RGS12: variants seen among roughly 807,000 people sequenced by gnomAD.
RGS12 encodes regulator of G protein signaling 12, also known as regulator of G-protein signaling 12.
A neutral mutation model predicts 120.1 loss-of-function variants in RGS12; 66 were observed. The observed-to-expected ratio is 0.55, with a 90% CI of 0.45 to 0.67. The LOEUF (loss-of-function observed/expected upper bound fraction) is 0.67, where lower values mean the gene tolerates loss of function less well. Among genes scored for constraint, RGS12 ranks in the 30% least tolerant of loss-of-function variants. RGS12 has a pLI of 0.00. For missense variants in RGS12, 1,859 were observed against 1,957.7 expected, an observed-to-expected ratio of 0.95 and a Z score of 0.95; for synonymous variants, 827 against 804.7, an observed-to-expected ratio of 1.03 and a Z score of -0.47.
Position 3,414,196 on chromosome 4 carries a change from CT to C in RGS12, c.2148del (p.Phe716LeufsTer18). The stretch of plus-strand genomic sequence containing the variant: ...GGAGGGTCGCCAGCTGGGCCGTGTC[CT>C]TTGAGCGCCTGCTGCAGGACCCCGT... ...ERRVASWAVS[F>X]ERLLQDPVGV... On this transcript the variant is annotated frameshift_variant, in exon 5 of 18. Coordinates refer to ENST00000336727, the MANE Select transcript of RGS12 (RefSeq NM_001394154.1). LOFTEE classifies it high-confidence loss of function. 6.5e-7 allele frequency: 1 copy of C among 1,550,066 alleles called. No homozygotes were observed.
chr4:3,324,424 C>T, intron 2 of RGS12: 1 of 240,730 alleles, frequency 4.2e-6, no homozygotes, highest in Non-Finnish European at 8.3e-6. Flanking sequence ...TCTTTTAGTC[C>T]AGGCCAACAG....
intron 3 of RGS12, among the ~76,000 whole-genome samples, chr4:3,367,610 A>T (rs1436027796): frequency 6.6e-6 from 1 of 152,232 alleles, no homozygotes; most frequent in Admixed American, 6.5e-5. Flanking sequence ...ACCTCTGACC[A>T]TGTGGCAGGG....
intron 3 of RGS12, among the ~76,000 whole-genome samples, chr4:3,382,299 C>G (rs1229576979): frequency 6.6e-6 from 1 of 152,140 alleles, no homozygotes; most frequent in Non-Finnish European, 1.5e-5. Flanking sequence ...GCAAGGTGCC[C>G]TCTCCTTCCC....
intron 3 of RGS12, among the ~76,000 whole-genome samples, chr4:3,355,801 A>T (rs1320199673): frequency 2.0e-5 from 3 of 150,674 alleles, no homozygotes; most frequent in Non-Finnish European, 4.4e-5. Flanking sequence ...TCTCAAAAAA[A>T]AAAAAAAAAA....
At chr4:3,430,040 G>A (rs960443403) in intron 16 of RGS12, among the ~76,000 whole-genome samples, 4 of 152,230 alleles carry the variant, frequency 2.6e-5, no homozygotes, top group African/African-American at 4.8e-5. Flanking sequence ...CCAGTCCTCA[G>A]AGGGCCCCAA....
intron 4 of RGS12, among the ~76,000 whole-genome samples, chr4:3,391,515 C>T (rs1181869013): frequency 6.6e-6 from 1 of 152,312 alleles, no homozygotes; most frequent in Non-Finnish European, 1.5e-5. Flanking sequence ...CACAGAAGCC[C>T]TTGGTGCCCC....
intron 3 of RGS12, chr4:3,370,033 G>T: frequency 7.9e-7 from 1 of 1,258,544 alleles, no homozygotes; most frequent in African/African-American, 1.5e-5. Flanking sequence ...GTTTAAAAAT[G>T]ATCTCACAGC....
chr4:3,289,066 C>G (rs1022841339), upstream of RGS12, among the ~76,000 whole-genome samples: 10 of 152,326 alleles, frequency 6.6e-5, no homozygotes, highest in African/African-American at 2.4e-4. Context: ...GGTCCCACCT[C>G]CCCCTATCAG....
chr4:3,430,734 C>T lies in RGS12; in HGVS notation c.3893C>T (p.Pro1298Leu), dbSNP rs750238353. ...CCCGGGCAGAAGTCTCCCAGCGGGC[C>T]CTTCTGCACTCCCCAGTCCCCCGTC... is the stretch of plus-strand genomic sequence containing the variant. ...TPPGQKSPSG[P>L]FCTPQSPVSL... Residue 1298 changes from proline (P) to leucine (L), a missense_variant, in exon 17 of 18, where the codon CCC becomes CTC. Pro to Leu is a moderately conservative substitution (Grantham distance 98). Coordinates refer to ENST00000336727, the MANE Select transcript of RGS12 (RefSeq NM_001394154.1). 2 of 1,599,348 alleles carry T rather than the reference C, an allele frequency of 1.3e-6. No homozygotes were observed. Among genetic ancestry groups the T allele is most frequent in the Non-Finnish European group, 1.7e-6 (2 of 1,172,202 alleles).
At chr4:3,323,445 T>C (rs1374672145) in intron 2 of RGS12, among the ~76,000 whole-genome samples, 2 of 152,244 alleles carry the variant, frequency 1.3e-5, no homozygotes, top group Admixed American at 1.3e-4. Flanking sequence ...TTACTCTGTT[T>C]GCACAGGCTC....
chr4:3,340,211 G>A (rs1176204635), intron 2 of RGS12, among the ~76,000 whole-genome samples: 2 of 152,154 alleles, frequency 1.3e-5, no homozygotes, highest in African/African-American at 2.4e-5. Context: ...TGCCGGGGCC[G>A]CACACCTGCC....
intron 3 of RGS12, among the ~76,000 whole-genome samples, chr4:3,355,039 A>G (rs116563537): frequency 0.032 from 4,897 of 152,314 alleles, 242 homozygotes; most frequent in African/African-American, 0.11. Flanking sequence ...ATAAACATAG[A>G]TGTGAGAATC....
At chr4:3,415,382 G>A (rs180752473) in intron 6 of RGS12, among the ~76,000 whole-genome samples, 79 of 152,212 alleles carry the variant, frequency 5.2e-4, no homozygotes, top group South Asian at 6.2e-4. Flanking sequence ...TTTGTATAAC[G>A]CCCTCAGCCA....
intron 1 of RGS12, among the ~76,000 whole-genome samples, chr4:3,301,245 G>A (rs1417963982): frequency 8.5e-5 from 13 of 152,228 alleles, no homozygotes; most frequent in Admixed American, 8.5e-4. Flanking sequence ...CTGTGGGCAG[G>A]ACAGGTGCAC....
chr4:3,414,356 C>A, intron 5 of RGS12, 115 bp downstream of exon 5: 3 of 1,220,124 alleles, frequency 2.5e-6, no homozygotes, highest in Non-Finnish European at 3.3e-6. Flanking sequence ...TGAGCAGCCC[C>A]GTGGCAGGGG....
chr4:3,433,924 T>G lies in RGS12; in HGVS notation c.4114+2969T>G, dbSNP rs1184747529. The stretch of plus-strand genomic sequence containing the variant: ...GCCAGGCCACCCAGTCTAATGGCCC[T>G]GAGCCTTAGCTGTCTGACACACACA... On this transcript the variant is annotated intron_variant, in intron 17 of 17. Coordinates refer to ENST00000336727, the MANE Select transcript of RGS12 (RefSeq NM_001394154.1). The surrounding 1 kb of genome is among the most constrained non-coding windows in gnomAD (Gnocchi z 4.4). 6.6e-6 allele frequency among the ~76,000 whole-genome samples: 1 copy of G among 152,192 alleles called. No individual in the cohort carries two copies. Among genetic ancestry groups the G allele is most frequent in the African/African-American group, 2.4e-5 (1 of 41,444 alleles).
At chr4:3,393,900 A>G (rs1719779765) in intron 4 of RGS12, among the ~76,000 whole-genome samples, 1 of 152,224 alleles carries the variant, frequency 6.6e-6, no homozygotes. Flanking sequence ...CAACCCAGAA[A>G]GAGCAGGTTC....
In RGS12 at chr4:3,317,960, C is replaced by T. The variant is rs146835102; in HGVS notation, c.1790C>T (p.Ala597Val). ...AGCTTCGCGCAGCCCCCGCTGAATG[C>T]CCCGAAGAGGGAGTGGTCCAGGAAG... ...EGSFAQPPLN[A>V]PKREWSRKAF... Residue 597 changes from alanine to valine, a missense_variant, in exon 2 of 18, where the codon GCC (alanine) becomes GTC (valine). By Grantham distance (64) the Ala-to-Val change is moderately conservative. Coordinates refer to ENST00000336727, the MANE Select transcript of RGS12 (RefSeq NM_001394154.1). 295 of 1,613,784 alleles carry T rather than the reference C, an allele frequency of 1.8e-4. No homozygotes were observed. The highest frequency in any genetic ancestry group is 2.3e-4 in the Non-Finnish European group (276 of 1,179,926).
At chr4:3,435,050 G>C (rs1021638535) in intron 17 of RGS12, among the ~76,000 whole-genome samples, 1 of 152,104 alleles carries the variant, frequency 6.6e-6, no homozygotes, top group Non-Finnish European at 1.5e-5. Context: ...CCTGGGGCTG[G>C]GGTCCCCTGG....
Sources: gnomAD v4.1 joint callset for allele counts (sites outside exome capture counted in the v4.1 genomes callset) on GRCh38, gnomAD v4.1.1 for gene constraint, Gnocchi (gnomAD v3.1) non-coding constraint, MANE v1.5 for transcripts, NCBI Gene and HGNC (gene_info 2026-07-23, HGNC 2026-07-21) for gene names.